PRR5L: variants seen among roughly 807,000 people sequenced by gnomAD.
PRR5L encodes proline rich 5 like.
In PRR5L, 21 loss-of-function variants were observed where a neutral mutation model predicts 36.4. The ratio of observed to expected loss-of-function variants is 0.58; its 90% CI spans 0.41 to 0.83. The LOEUF (loss-of-function observed/expected upper bound fraction) is 0.83, where lower values mean the gene tolerates loss of function less well. PRR5L is among the 40% of genes least tolerant of loss of function. The pLI is 0.00. For missense variants in PRR5L, 381 were observed against 473.3 expected, an observed-to-expected ratio of 0.80 and a Z score of 1.81; for synonymous variants, 188 against 197.0, an observed-to-expected ratio of 0.95 and a Z score of 0.38.
intron 1 of PRR5L, among the ~76,000 whole-genome samples, chr11:36,385,723 G>A (rs765201047): frequency 1.3e-5 from 2 of 152,246 alleles, no homozygotes; most frequent in East Asian, 1.9e-4. Flanking sequence ...TTCTTTGGCC[G>A]GCTTTTGTCT....
intron 1 of PRR5L, among the ~76,000 whole-genome samples, chr11:36,351,021 T>TTTATATATTTATATAG (rs1336775082): frequency 2.7e-5 from 2 of 75,466 alleles, no homozygotes; most frequent in South Asian, 4.8e-4. Context: ...TAGTTATATA[T>TTTATATATTTATATAG]TTATATATTT....
chr11:36,340,715 C>G (rs1856809407), intron 1 of PRR5L, among the ~76,000 whole-genome samples: 2 of 152,176 alleles, frequency 1.3e-5, no homozygotes, highest in South Asian at 2.1e-4. Flanking sequence ...AGGGAGGAAA[C>G]TGCCCCTGCC....
chr11:36,305,978 C>A lies in PRR5L; in HGVS notation c.-126+9540C>A, dbSNP rs544392667. ...ATTACATAAGATGTGTATAAAGGTG[C>A]TGGCACTTTGTCTTTTTGGGCCTAG... On this transcript the variant is annotated intron_variant, in intron 1 of 8. Transcript: ENST00000530639. Among the ~76,000 whole-genome samples, 6 of 152,298 alleles carry A rather than the reference C, an allele frequency of 3.9e-5. No individual in the cohort carries two copies. The East Asian group carries it at 1.2e-3, about 29-fold the overall frequency.
intron 8 of PRR5L, chr11:36,454,961 A>T (rs1859022035): frequency 6.6e-6 from 1 of 152,328 alleles, no homozygotes; most frequent in Non-Finnish European, 1.5e-5. Context: ...CCGACTCCTC[A>T]GAGGCTGGCC....
intron 1 of PRR5L, among the ~76,000 whole-genome samples, chr11:36,391,757 A>G (rs1320171527): frequency 6.6e-6 from 1 of 152,238 alleles, no homozygotes; most frequent in Non-Finnish European, 1.5e-5. Flanking sequence ...ACAGGCATGC[A>G]ATGCATAATA....
intron 1 of PRR5L, among the ~76,000 whole-genome samples, chr11:36,351,682 T>A (rs1318037423): frequency 0.012 from 52 of 4,384 alleles, 1 homozygote; most frequent in Admixed American, 0.027. Context: ...TACTTATATA[T>A]TTATATATTT....
intron 1 of PRR5L, among the ~76,000 whole-genome samples, chr11:36,306,936 C>G (rs1856440382): frequency 6.6e-6 from 1 of 152,168 alleles, no homozygotes; most frequent in East Asian, 1.9e-4. Flanking sequence ...CCCCCCACAT[C>G]TCTTCTCCTT....
chr11:36,379,427 C>T (rs968607233), intron 1 of PRR5L: 17 of 152,152 alleles, frequency 1.1e-4, no homozygotes, highest in African/African-American at 3.9e-4. Context: ...GTGTGAGTTC[C>T]TCTGAAAGAT....
At chr11:36,454,486 C>T (rs2133629555) in intron 8 of PRR5L, among the ~76,000 whole-genome samples, 1 of 152,236 alleles carries the variant, frequency 6.6e-6, no homozygotes, top group South Asian at 2.1e-4. Flanking sequence ...GTGATAAACC[C>T]CTTTACCTAT....
chr11:36,378,474 C>T (rs1183963420), intron 1 of PRR5L, among the ~76,000 whole-genome samples: 2 of 152,148 alleles, frequency 1.3e-5, no homozygotes, highest in Non-Finnish European at 2.9e-5. Context: ...GAGTATGTTA[C>T]TGATGCTTCT....
At chr11:36,348,840 G>A (rs1856893128) in intron 1 of PRR5L, among the ~76,000 whole-genome samples, 1 of 152,150 alleles carries the variant, frequency 6.6e-6, no homozygotes, top group African/African-American at 2.4e-5. Context: ...GAGCAGTGGA[G>A]TTCAGAAAAT....
At chr11:36,313,700 A>G (rs765536892) in intron 1 of PRR5L, among the ~76,000 whole-genome samples, 1 of 152,218 alleles carries the variant, frequency 6.6e-6, no homozygotes, top group Non-Finnish European at 1.5e-5. Flanking sequence ...GAAGCAGCCA[A>G]CCTGTAGTTT....
chr11:36,451,089 TGCC>T, intron 7 of PRR5L, 117 bp from the exon 8 acceptor site: 13 of 1,252,870 alleles, frequency 1.0e-5, no homozygotes, highest in Non-Finnish European at 1.5e-5. Context: ...GCAAGGATGC[TGCC>T]TGCCAGCAAC....
At position 36,451,254 on chromosome 11, in the gene PRR5L, G is replaced by C; in HGVS notation, c.631G>C (p.Glu211Gln). ...TGPSESYLQL[E>Q]ELVKQVVSPF... ...CCCAAGTGAGAGTTATTTGCAACTG[G>C]AGGAGCTGGTGAAGCAAGTGGTTTC... Residue 211 changes from glutamate (E) to glutamine (Q), a missense_variant, in exon 8 of 9, where the codon GAG (glutamate) becomes CAG (glutamine). Physicochemically the swap from Glu to Gln is conservative, Grantham distance 29 (BLOSUM62 2). Coordinates refer to ENST00000530639, the MANE Select transcript of PRR5L (RefSeq NM_001160167.2). 1 of 1,614,190 alleles carries C rather than the reference G, an allele frequency of 6.2e-7. No individual in the cohort carries two copies. The highest frequency in any genetic ancestry group is 8.5e-7 in the Non-Finnish European group (1 of 1,180,030).
Position 36,400,995 on chromosome 11 carries a change from A to G in PRR5L, c.-125-2A>G. 1.4e-6 allele frequency: 2 copies of G among 1,452,910 alleles called. No homozygotes were observed. The highest frequency in any genetic ancestry group is 1.8e-6 in the Non-Finnish European group (2 of 1,101,498). 90.0% of individuals were successfully genotyped at this position (1,452,910 alleles called of 1,614,324 possible). On this transcript the variant is annotated splice_acceptor_variant, in intron 1 of 8. Transcript: ENST00000530639. LOFTEE classifies it low-confidence loss of function (5UTR_SPLICE). ...TCAATAAAAGCTTCCCTCTCTTTTC[A>G]GGTGTTGGCTACGTTTGTGGTTTTA... is the stretch of plus-strand genomic sequence containing the variant.
chr11:36,369,696 G>C (rs574729887), intron 1 of PRR5L, among the ~76,000 whole-genome samples: 2 of 152,274 alleles, frequency 1.3e-5, no homozygotes, highest in East Asian at 1.9e-4. Context: ...CCAGGTTCAA[G>C]CGATTCTCCT....
At chr11:36,332,087 G>T (rs1476668078) in intron 1 of PRR5L, among the ~76,000 whole-genome samples, 1 of 151,972 alleles carries the variant, frequency 6.6e-6, no homozygotes, top group East Asian at 1.9e-4. Context: ...GCTTTAGACG[G>T]GTTCATTCTT....
intron 4 of PRR5L, among the ~76,000 whole-genome samples, chr11:36,420,834 A>AC (rs1858247550): frequency 1.4e-5 from 2 of 139,302 alleles, no homozygotes; most frequent in Non-Finnish European, 3.1e-5. Flanking sequence ...CAGTTGTTTA[A>AC]ACACACACAC....
chr11:36,308,888 G>A (rs151296800), intron 1 of PRR5L, among the ~76,000 whole-genome samples: 118 of 152,302 alleles, frequency 7.7e-4, no homozygotes, highest in African/African-American at 2.6e-3. Context: ...CTGTGCTCCA[G>A]AATTAGTCAC....
Sources: allele counts gnomAD v4.1 joint callset (sites outside exome capture counted in the v4.1 genomes callset), GRCh38; gene constraint gnomAD v4.1.1; transcripts MANE v1.5; gene names NCBI Gene and HGNC (gene_info 2026-07-23, HGNC 2026-07-21).